The following PGCKA1 variants were observed in gnomAD, a reference collection of about 807,000 sequenced individuals.
PGCKA1 encodes PDCD10 and GCKIII kinases associated 1, also known as PDCD10 and GCKIII kinases-associated protein 1.
chr4:37,554,662 A>T, the PGCKA1 span, among the ~76,000 whole-genome samples: 1 of 152,200 alleles, frequency 6.6e-6, no homozygotes, highest in Admixed American at 6.5e-5. Flanking sequence ...AATATTTTAA[A>T]TAGAGTAATT....
At chr4:37,463,360 T>G in the PGCKA1 span, among the ~76,000 whole-genome samples, 2 of 152,070 alleles carry the variant, frequency 1.3e-5, no homozygotes, top group East Asian at 3.9e-4. Context: ...TAAAACAGAG[T>G]TAATTGGCTA....
chr4:37,537,468 A>G, the PGCKA1 span, among the ~76,000 whole-genome samples: 1 of 152,224 alleles, frequency 6.6e-6, no homozygotes, highest in Non-Finnish European at 1.5e-5. Context: ...TATTATACAC[A>G]TGCATAAAAG....
At chr4:37,507,857 C>G in the PGCKA1 span, among the ~76,000 whole-genome samples, 1 of 152,120 alleles carries the variant, frequency 6.6e-6, no homozygotes, top group Non-Finnish European at 1.5e-5. Flanking sequence ...TCTTGTTGAA[C>G]AGGTCTGGTA....
At chr4:37,520,896 C>T in the PGCKA1 span, among the ~76,000 whole-genome samples, 2 of 152,186 alleles carry the variant, frequency 1.3e-5, no homozygotes, top group Non-Finnish European at 2.9e-5. Flanking sequence ...GGATTACAGG[C>T]GTGAGCCACT....
At chr4:37,560,870 C>A in the PGCKA1 span, among the ~76,000 whole-genome samples, 1 of 152,278 alleles carries the variant, frequency 6.6e-6, no homozygotes, top group Middle Eastern at 3.4e-3. Flanking sequence ...TCTTTTTCCT[C>A]CTTGGCTTAT....
At chr4:37,482,364 A>G in the PGCKA1 span, among the ~76,000 whole-genome samples, 1,329 of 152,238 alleles carry the variant, frequency 8.7e-3, 20 homozygotes, top group African/African-American at 0.03. Context: ...TTTCCAATGG[A>G]GATGAAGAAC....
At chr4:37,531,875 G>A in the PGCKA1 span, among the ~76,000 whole-genome samples, 1 of 122,944 alleles carries the variant, frequency 8.1e-6, no homozygotes, top group Non-Finnish European at 1.6e-5. Context: ...CTGGGCGAAA[G>A]AGCTAGAATC....
At chr4:37,586,260 G>T in the PGCKA1 span, among the ~76,000 whole-genome samples, 2 of 152,118 alleles carry the variant, frequency 1.3e-5, no homozygotes, top group African/African-American at 4.8e-5. Flanking sequence ...GACACGGCTG[G>T]CACAAACTGG....
At chr4:37,566,506 C>G in the PGCKA1 span, among the ~76,000 whole-genome samples, 1 of 152,086 alleles carries the variant, frequency 6.6e-6, no homozygotes, top group Non-Finnish European at 1.5e-5. Context: ...GTCTCGAACT[C>G]CCGACCTCAA....
chr4:37,460,509 G>C, the PGCKA1 span: 1 of 448,142 alleles, frequency 2.2e-6, no homozygotes, highest in South Asian at 1.6e-5. Context: ...ACTGTTTCTT[G>C]ACTTTTTAAT....
chr4:37,461,418 A>C, the PGCKA1 span, among the ~76,000 whole-genome samples: 64 of 152,028 alleles, frequency 4.2e-4, 1 homozygote, highest in African/African-American at 1.5e-3. Context: ...CAATATGGCT[A>C]TTTTCAAGAT....
chr4:37,535,235 A>G, the PGCKA1 span, among the ~76,000 whole-genome samples: 1 of 152,178 alleles, frequency 6.6e-6, no homozygotes, highest in African/African-American at 2.4e-5. Flanking sequence ...TTTTGAAAGA[A>G]TCGAGGGCTG....
the PGCKA1 span, among the ~76,000 whole-genome samples, chr4:37,537,121 A>C: frequency 6.6e-6 from 1 of 152,202 alleles, no homozygotes; most frequent in Non-Finnish European, 1.5e-5. Flanking sequence ...AACCCATAAG[A>C]TTGTTCTTAA....
chr4:37,569,601 A>C, the PGCKA1 span, among the ~76,000 whole-genome samples: 4 of 152,192 alleles, frequency 2.6e-5, no homozygotes, highest in South Asian at 2.1e-4. Context: ...CTCCAGTGAT[A>C]ATTAGGACTG....
chr4:37,561,882 T>A, the PGCKA1 span, among the ~76,000 whole-genome samples: 1 of 152,218 alleles, frequency 6.6e-6, no homozygotes, highest in South Asian at 2.1e-4. Flanking sequence ...AACATTGAGC[T>A]CAGGGCTAAC....
the PGCKA1 span, among the ~76,000 whole-genome samples, chr4:37,533,331 G>T: frequency 6.6e-6 from 1 of 152,012 alleles, no homozygotes; most frequent in Non-Finnish European, 1.5e-5. Context: ...ATTAAAGGGG[G>T]GTTAAGAGTT....
chr4:37,476,787 A>G, the PGCKA1 span, among the ~76,000 whole-genome samples: 2 of 152,218 alleles, frequency 1.3e-5, no homozygotes, highest in Non-Finnish European at 2.9e-5. Flanking sequence ...AAAACATGTT[A>G]AAAATAATGA....
chr4:37,521,536 TGTG>T, the PGCKA1 span, among the ~76,000 whole-genome samples: 6 of 152,244 alleles, frequency 3.9e-5, no homozygotes, highest in Admixed American at 3.9e-4. Context: ...TTTATTCTAT[TGTG>T]GTCACAGAAG....
At chr4:37,590,467 G>T in the PGCKA1 span, 1 of 1,611,044 alleles carries the variant, frequency 6.2e-7, no homozygotes, top group Non-Finnish European at 8.5e-7. Context: ...ACCCTTCCTG[G>T]AAGGAGGGGG....
Sources: gnomAD v4.1 joint callset for allele counts (sites outside exome capture counted in the v4.1 genomes callset) on GRCh38, gnomAD v4.1.1 for gene constraint, MANE v1.5 for transcripts, NCBI Gene and HGNC (gene_info 2026-07-23, HGNC 2026-07-21) for gene names.